CPZ: variants seen among roughly 807,000 people sequenced by gnomAD.
The protein encoded by CPZ is carboxypeptidase Z.
Under a neutral mutation model 61.8 loss-of-function variants are expected in CPZ, and 103 were observed. The ratio of observed to expected loss-of-function variants is 1.67; its 90% CI spans 1.42 to 1.96. The LOEUF is 1.96. CPZ is among the 30% of genes most tolerant of loss of function. CPZ has a pLI of 0.00. For synonymous variants in CPZ, 551 were observed against 373.7 expected (o/e 1.47, Z -5.47); for missense variants, 1,461 against 914.9 (o/e 1.60, Z -7.70).
rs760632747 is a variant in CPZ at position 8,592,910 on chromosome 4, G to T, written c.77G>T (p.Arg26Leu). The T allele has an allele frequency of 6.5e-7, 1 of 1,534,146 alleles. No individual in the cohort carries two copies. Among genetic ancestry groups the T allele is most frequent in the Non-Finnish European group, 8.7e-7 (1 of 1,143,770 alleles). The change falls in exon 1 of 11, where the codon CGG becomes CTG. Residue 26 changes from arginine to leucine, a missense_variant. Transcript: ENST00000360986. ...GCCCGGCCGGGGTGCGAGTTTGAGC[G>T]GAACCCCGCCGGTAAGGCCGTCCCC... ...AAARPGCEFE[R>L]NPAGECHRPP... is the part of the protein sequence containing the mutation.
intron 1 of CPZ, among the ~76,000 whole-genome samples, chr4:8,597,894 A>G (rs944728176): frequency 3.9e-5 from 6 of 152,204 alleles, no homozygotes; most frequent in Non-Finnish European, 8.8e-5. Flanking sequence ...CAAAAGAGCC[A>G]CTTGCCCGGG....
At chr4:8,599,509 C>T (rs776874069) in intron 2 of CPZ, 24 bp downstream of exon 2, 17 of 1,613,180 alleles carry the variant, frequency 1.1e-5, no homozygotes, top group Middle Eastern at 3.3e-4. Flanking sequence ...ACCTCCCTGG[C>T]TTCTGTTCTG....
rs762308599 is a variant in CPZ, at chr4:8,604,025, C to T, written c.546C>T (p.Phe182=). Residue 182 remains phenylalanine, a synonymous_variant, in exon 4 of 11, where the codon TTC becomes TTT. Coordinates refer to ENST00000360986, the MANE Select transcript of CPZ (RefSeq NM_001014447.3). The part of the protein sequence containing the change: ...EALPSGLPPT[F]IRFSHHSYAQ... ...TGCCCTCAGGGCTGCCGCCCACCTT[C>T]ATCCGCTTCAGCCACCACTCCTACG... 6.2e-7 allele frequency: 1 copy of T among 1,612,168 alleles called. No homozygotes were observed. The highest frequency in any genetic ancestry group is 1.3e-5 in the African/African-American group (1 of 75,070).
rs1213659312 is a variant in CPZ at position 8,592,836 on chromosome 4, G to GCCGCCC, written c.8_13dup (p.Pro3_Pro4dup). The GCCGCCC allele has an allele frequency of 6.8e-7, 1 of 1,471,890 alleles. No individual in the cohort carries two copies. Among genetic ancestry groups the GCCGCCC allele is most frequent in the African/African-American group, 1.5e-5 (1 of 68,288 alleles). The allele number at this position is 1,471,890 out of a possible 1,614,324, so 91.2% of individuals were successfully genotyped here. On this transcript the variant is annotated inframe_insertion, in exon 1 of 11. Coordinates refer to ENST00000360986, the MANE Select transcript of CPZ (RefSeq NM_001014447.3). ...CGTCCAAGGTCCGCCGCCCCACCAT[G>GCCGCCC]CCGCCCCCGCTGCCGCTGCTGCTCC...
At chr4:8,609,482 T>A (rs1382508911) in intron 7 of CPZ, among the ~76,000 whole-genome samples, 1 of 136,446 alleles carries the variant, frequency 7.3e-6, no homozygotes, top group African/African-American at 3.7e-5. Flanking sequence ...AGGGGTGAGG[T>A]GTCTGGTTCT....
At chr4:8,611,703 G>A (rs1412263899) in intron 7 of CPZ, among the ~76,000 whole-genome samples, 1 of 152,054 alleles carries the variant, frequency 6.6e-6, no homozygotes, top group Non-Finnish European at 1.5e-5. Flanking sequence ...CACACCCTGT[G>A]GACACCATGT....
intron 9 of CPZ, among the ~76,000 whole-genome samples, chr4:8,616,271 C>T (rs925550906): frequency 1.3e-5 from 2 of 152,152 alleles, no homozygotes; most frequent in Non-Finnish European, 2.9e-5. Flanking sequence ...GAGTCTACAT[C>T]ACCTGGGGCG....
chr4:8,614,878 A>C (rs1427950063), intron 9 of CPZ, among the ~76,000 whole-genome samples: 1 of 151,992 alleles, frequency 6.6e-6, no homozygotes, highest in Non-Finnish European at 1.5e-5. Context: ...GAAGAAGGGT[A>C]GGAGAAATCA....
intron 1 of CPZ, among the ~76,000 whole-genome samples, chr4:8,598,161 T>C (rs9684127): frequency 0.016 from 2,455 of 152,316 alleles, 63 homozygotes; most frequent in African/African-American, 0.056. Flanking sequence ...TAGGAGTGCC[T>C]GGTGGAGGAC....
Position 8,619,553 on chromosome 4 carries a change from C to CG in CPZ, c.1895_1896insG (p.Trp633LeufsTer45). The CG allele has an allele frequency of 1.3e-6, 2 of 1,555,346 alleles. No individual in the cohort carries two copies. The highest frequency in any genetic ancestry group is 1.7e-6 in the Non-Finnish European group (2 of 1,150,230). ...CAGCCCTCGGCCGACGGGAGTAAGC[C>CG]CTGGTGGTGGTCCTACTTCACATCG... is the stretch of plus-strand genomic sequence containing the variant. On this transcript the variant is annotated frameshift_variant, in exon 11 of 11. Transcript: ENST00000360986. LOFTEE classifies it high-confidence loss of function.
At chr4:8,609,054 C>CATA (rs1560297655) in intron 7 of CPZ, among the ~76,000 whole-genome samples, 16 of 148,178 alleles carry the variant, frequency 1.1e-4, no homozygotes, top group East Asian at 5.9e-4. Flanking sequence ...CTCCCTCCCT[C>CATA]CCTCACTCCC....
At chr4:8,607,169 TGCACC>T in intron 6 of CPZ, 93 bp from the exon 7 acceptor site, 1 of 1,401,432 alleles carries the variant, frequency 7.1e-7, no homozygotes, top group East Asian at 2.3e-5. Flanking sequence ...GTTAATAGTC[TGCACC>T]ATTGGAGCCC....
At chr4:8,608,165 G>T (rs1295472786) in intron 7 of CPZ, among the ~76,000 whole-genome samples, 1 of 92,216 alleles carries the variant, frequency 1.1e-5, no homozygotes, top group African/African-American at 3.5e-5. Flanking sequence ...CCCCAGCTGC[G>T]GATCCTGGAG....
chr4:8,598,478 T>C (rs1448608648), intron 1 of CPZ, among the ~76,000 whole-genome samples: 5 of 152,218 alleles, frequency 3.3e-5, no homozygotes, highest in African/African-American at 1.2e-4. Flanking sequence ...GGCAGGCCTT[T>C]TCCTCTGCTC....
chr4:8,611,107 C>A, intron 7 of CPZ: 1 of 417,744 alleles, frequency 2.4e-6, no homozygotes, highest in South Asian at 1.6e-5. Flanking sequence ...CACTCACTCA[C>A]TCACTGGGCC....
At chr4:8,611,846 G>C (rs939219697) in intron 7 of CPZ, among the ~76,000 whole-genome samples, 181 bp from the exon 8 acceptor site, 5 of 151,954 alleles carry the variant, frequency 3.3e-5, no homozygotes, top group Non-Finnish European at 4.4e-5. Context: ...CCACCTCTGG[G>C]CCTTCACATA....
chr4:8,615,007 G>C (rs553633262), intron 9 of CPZ, among the ~76,000 whole-genome samples: 1 of 152,242 alleles, frequency 6.6e-6, no homozygotes, highest in East Asian at 1.9e-4. Flanking sequence ...GATGGGGCGG[G>C]CACTGTGCTC....
chr4:8,600,135 TTTTA>T (rs1490675067), intron 2 of CPZ, among the ~76,000 whole-genome samples: 3 of 152,196 alleles, frequency 2.0e-5, no homozygotes, highest in Non-Finnish European at 4.4e-5. Flanking sequence ...TTATTTTATT[TTTTA>T]TTTATTTATT....
intron 9 of CPZ, 41 bp from the exon 10 acceptor site, chr4:8,618,388 G>T (rs749053088): frequency 1.2e-5 from 19 of 1,595,760 alleles, no homozygotes; most frequent in Non-Finnish European, 1.5e-5. Context: ...CTCAGCAGGA[G>T]AGCTCACGCC....
Sources: allele counts gnomAD v4.1 joint callset (sites outside exome capture counted in the v4.1 genomes callset), GRCh38; gene constraint gnomAD v4.1.1; transcripts MANE v1.5; gene names NCBI Gene and HGNC (gene_info 2026-07-23, HGNC 2026-07-21).